NHERF1: variants seen among roughly 807,000 people sequenced by gnomAD.
NHERF1 encodes the protein Na(+)/H(+) exchange regulatory cofactor NHE-RF1.
chr17:74,763,464 A>G, the NHERF1 span: 1 of 1,613,060 alleles, frequency 6.2e-7, no homozygotes, highest in Non-Finnish European at 8.5e-7. Context: ...GTGGACAGGG[A>G]AACTGACGAG....
chr17:74,756,917 G>A, the NHERF1 span, among the ~76,000 whole-genome samples: 1 of 152,206 alleles, frequency 6.6e-6, no homozygotes, highest in Non-Finnish European at 1.5e-5. Flanking sequence ...CTCCTTGAAG[G>A]TTCTTAATAG....
At chr17:74,768,763 C>T in the NHERF1 span, 5 of 909,224 alleles carry the variant, frequency 5.5e-6, no homozygotes, top group South Asian at 4.5e-5. Context: ...TCAGCACCCA[C>T]ATCCCCTTTC....
the NHERF1 span, among the ~76,000 whole-genome samples, chr17:74,753,717 C>G: frequency 6.8e-6 from 1 of 147,806 alleles, no homozygotes; most frequent in Non-Finnish European, 1.5e-5. Context: ...AGTGAGACCT[C>G]GTCTCTACCA....
At chr17:74,759,169 C>T in the NHERF1 span, among the ~76,000 whole-genome samples, 1 of 152,208 alleles carries the variant, frequency 6.6e-6, no homozygotes, top group African/African-American at 2.4e-5. Flanking sequence ...CTACCGGGGG[C>T]TTCCCATCTC....
the NHERF1 span, among the ~76,000 whole-genome samples, chr17:74,756,269 C>CTTTT: frequency 1.9e-5 from 2 of 107,822 alleles, no homozygotes; most frequent in African/African-American, 6.9e-5. Context: ...TTCTTTCTTT[C>CTTTT]TTTCTTTTTT....
chr17:74,762,234 TG>T, the NHERF1 span: 1 of 1,362,272 alleles, frequency 7.3e-7, no homozygotes, highest in South Asian at 1.1e-5. The surrounding 1 kb of genome is among the most constrained non-coding windows in gnomAD (Gnocchi z 4.2). Context: ...CAGCAGCACC[TG>T]GGGCAGCCAT....
chr17:74,756,798 C>T, the NHERF1 span, among the ~76,000 whole-genome samples: 13 of 152,150 alleles, frequency 8.5e-5, no homozygotes, highest in Admixed American at 7.9e-4. Context: ...CTATAATTGG[C>T]TCTTAAGAAG....
At chr17:74,762,270 C>G in the NHERF1 span, 1 of 1,340,814 alleles carries the variant, frequency 7.5e-7, no homozygotes, top group Non-Finnish European at 1.1e-6. This position sits in a 1 kb window ranked among gnomAD's most constrained non-coding sequence, Gnocchi z 4.2. Context: ...CTTGATTAGC[C>G]CACGGGCATA....
the NHERF1 span, among the ~76,000 whole-genome samples, chr17:74,764,760 C>G: frequency 6.6e-6 from 1 of 152,226 alleles, no homozygotes; most frequent in Non-Finnish European, 1.5e-5. This position sits in a 1 kb window ranked among gnomAD's most constrained non-coding sequence, Gnocchi z 4.9. Context: ...AGTCCCCTCC[C>G]CGCAGTCCCT....
At chr17:74,765,597 G>A in the NHERF1 span, among the ~76,000 whole-genome samples, 12 of 150,926 alleles carry the variant, frequency 8.0e-5, no homozygotes, top group Admixed American at 4.0e-4. Context: ...TGTCACCCAG[G>A]CTAGAGTGCA....
the NHERF1 span, chr17:74,762,013 G>C: frequency 5.0e-6 from 8 of 1,613,854 alleles, no homozygotes; most frequent in Non-Finnish European, 5.9e-6. This position sits in a 1 kb window ranked among gnomAD's most constrained non-coding sequence, Gnocchi z 4.2. Flanking sequence ...TCCCTGCAGC[G>C]CGAGCTTCGG....
At chr17:74,762,688 G>T in the NHERF1 span, among the ~76,000 whole-genome samples, 1 of 152,146 alleles carries the variant, frequency 6.6e-6, no homozygotes, top group Non-Finnish European at 1.5e-5. This position sits in a 1 kb window ranked among gnomAD's most constrained non-coding sequence, Gnocchi z 4.2. Context: ...CTCCTGAGTA[G>T]CTGGGATTAC....
the NHERF1 span, among the ~76,000 whole-genome samples, chr17:74,750,799 G>A: frequency 1.9e-5 from 2 of 107,494 alleles, no homozygotes; most frequent in Admixed American, 1.5e-4. Context: ...TTGCAGTCTC[G>A]TTCAGCTCCT....
chr17:74,768,814 C>A, the NHERF1 span: 2 of 671,592 alleles, frequency 3.0e-6, no homozygotes, highest in Non-Finnish European at 5.0e-6. Flanking sequence ...TCTTCCCTGA[C>A]TTTAGGGAAG....
chr17:74,749,003 C>T, the NHERF1 span: 1 of 1,609,516 alleles, frequency 6.2e-7, no homozygotes, highest in Non-Finnish European at 8.5e-7. This position sits in a 1 kb window ranked among gnomAD's most constrained non-coding sequence, Gnocchi z 5.6. Flanking sequence ...GAAGGCGGGG[C>T]TGCTGGCGGG....
chr17:74,763,317 C>T, the NHERF1 span: 31 of 1,579,734 alleles, frequency 2.0e-5, no homozygotes, highest in South Asian at 2.6e-4. Context: ...ACTTACCTGC[C>T]CCAGAACCAA....
chr17:74,767,334 T>C, the NHERF1 span, among the ~76,000 whole-genome samples: 1 of 152,112 alleles, frequency 6.6e-6, no homozygotes. Flanking sequence ...TAGTCTGGGT[T>C]GGAAGAACAA....
chr17:74,762,185 C>A, the NHERF1 span: 6 of 1,613,494 alleles, frequency 3.7e-6, no homozygotes, highest in South Asian at 1.1e-5. The surrounding 1 kb of genome is among the most constrained non-coding windows in gnomAD (Gnocchi z 4.2). Context: ...TGATGCTTCT[C>A]GCTCTCTTCC....
At chr17:74,748,834 G>A in the NHERF1 span, 1 of 1,584,796 alleles carries the variant, frequency 6.3e-7, no homozygotes, top group Non-Finnish European at 8.5e-7. This position sits in a 1 kb window ranked among gnomAD's most constrained non-coding sequence, Gnocchi z 4.3. Context: ...CCGCTGACCC[G>A]TCGCAGGGCG....
Sources: allele counts gnomAD v4.1 joint callset (sites outside exome capture counted in the v4.1 genomes callset), GRCh38; gene constraint gnomAD v4.1.1; non-coding constraint Gnocchi (gnomAD v3.1); transcripts MANE v1.5; gene names NCBI Gene and HGNC (gene_info 2026-07-23, HGNC 2026-07-21).